NPSR1: variants seen among roughly 807,000 people sequenced by gnomAD.
NPSR1 encodes neuropeptide S receptor 1.
NPSR1 carries 48 observed loss-of-function variants against 46.9 expected under a neutral mutation model. That is an observed-to-expected ratio of 1.02 (90% CI 0.81 to 1.30). The LOEUF (loss-of-function observed/expected upper bound fraction) is 1.30, where lower values mean the gene tolerates loss of function less well. NPSR1 is among the 50% of genes most tolerant of loss of function. NPSR1 has a pLI of 0.00. For missense variants in NPSR1, 450 were observed against 449.5 expected (o/e 1.00, Z -0.01); for synonymous variants, 176 against 168.1 (o/e 1.05, Z -0.36).
At chr7:34,689,159 C>T (rs1025859759) in intron 2 of NPSR1, among the ~76,000 whole-genome samples, 33 of 152,310 alleles carry the variant, frequency 2.2e-4, no homozygotes, top group African/African-American at 7.7e-4. Context: ...GGAGCTCAGA[C>T]CACTGTGCAT....
intron 2 of NPSR1, among the ~76,000 whole-genome samples, chr7:34,713,654 T>C (rs1343360341): frequency 6.6e-6 from 1 of 152,184 alleles, no homozygotes; most frequent in Non-Finnish European, 1.5e-5. Context: ...CACTCTCCTG[T>C]GCAGAAGTCA....
Position 34,727,580 on chromosome 7 carries a change from T to C in NPSR1, c.280+42896T>C, listed in dbSNP as rs534514657. On this transcript the variant is annotated intron_variant, in intron 2 of 8. Transcript: ENST00000360581. ...CACAATATCTTGTTCACTTTTGTCA[T>C]CCGGTGCTGATCATGATTCTCAACA... Among the ~76,000 whole-genome samples, 6 of 152,354 alleles carry C rather than the reference T, an allele frequency of 3.9e-5. No homozygotes were observed. The South Asian group carries it at 1.2e-3, about 32-fold the overall frequency.
At chr7:34,688,912 G>A (rs1793078384) in intron 2 of NPSR1, among the ~76,000 whole-genome samples, 1 of 152,148 alleles carries the variant, frequency 6.6e-6, no homozygotes, top group African/African-American at 2.4e-5. Flanking sequence ...ATATTTCCAG[G>A]CATTTGAAGC....
Position 34,669,995 on chromosome 7 carries a change from A to G in NPSR1, c.147+11436A>G, listed in dbSNP as rs569081130. On this transcript the variant is annotated intron_variant, in intron 1 of 8. Coordinates refer to ENST00000360581, the MANE Select transcript of NPSR1 (RefSeq NM_207172.2). ...AAATATATAGAATACATGGAAGGAC[A>G]TGAGGTGCTTCAAGATAGGATGATT... 3.9e-5 allele frequency among the ~76,000 whole-genome samples: 6 copies of G among 152,362 alleles called. No homozygotes were observed. In the South Asian group the frequency reaches 1.2e-3, roughly 32 times the overall value.
chr7:34,780,156 C>T (rs925444459), intron 3 of NPSR1, among the ~76,000 whole-genome samples: 29 of 152,168 alleles, frequency 1.9e-4, no homozygotes, highest in Admixed American at 2.0e-4. Context: ...AGGTCATACA[C>T]CATCACTTTC....
chr7:34,762,858 G>A (rs939661339), intron 2 of NPSR1, among the ~76,000 whole-genome samples: 14 of 152,146 alleles, frequency 9.2e-5, no homozygotes, highest in African/African-American at 3.4e-4. Context: ...TGTGACAAAT[G>A]TTCATGTACG....
intron 2 of NPSR1, chr7:34,719,104 A>T (rs1442539657): frequency 1.3e-5 from 2 of 152,464 alleles, no homozygotes; most frequent in African/African-American, 4.8e-5. Context: ...TGGGGGATGG[A>T]CTTTTTTCTG....
chr7:34,712,171 T>C (rs1783324517), intron 2 of NPSR1, among the ~76,000 whole-genome samples: 1 of 152,230 alleles, frequency 6.6e-6, no homozygotes, highest in South Asian at 2.1e-4. Context: ...TTGTTTTGTT[T>C]TGTTTTAGTT....
At chr7:34,732,079 CAAAAA>C (rs535991989) in intron 2 of NPSR1, among the ~76,000 whole-genome samples, 10,430 of 93,772 alleles carry the variant, frequency 0.11, 327 homozygotes, top group South Asian at 0.17. Flanking sequence ...GACTTCATCT[CAAAAA>C]AAAAAAAAAA....
At chr7:34,720,019 C>T (rs113392746) in intron 2 of NPSR1, among the ~76,000 whole-genome samples, 3,364 of 151,768 alleles carry the variant, frequency 0.022, 116 homozygotes, top group African/African-American at 0.076. Flanking sequence ...TGGTGGCGCA[C>T]GCCTGTAATC....
chr7:34,663,310 G>A (rs916538063), intron 1 of NPSR1, among the ~76,000 whole-genome samples: 2 of 151,972 alleles, frequency 1.3e-5, no homozygotes, highest in Non-Finnish European at 2.9e-5. Context: ...GGTACAGGGT[G>A]CTTGAATCCC....
chr7:34,834,578 C>A, intron 6 of NPSR1, 118 bp downstream of exon 6: 1 of 762,304 alleles, frequency 1.3e-6, no homozygotes, highest in Non-Finnish European at 2.3e-6. Flanking sequence ...CATATCAGGA[C>A]CCAGCCGGCA....
chr7:34,831,337 AC>A (rs1790109152), intron 5 of NPSR1, among the ~76,000 whole-genome samples: 1 of 151,874 alleles, frequency 6.6e-6, no homozygotes, highest in Non-Finnish European at 1.5e-5. Flanking sequence ...ACACACACAC[AC>A]ACAAACACAC....
At chr7:34,739,815 G>A (rs1784854084) in intron 2 of NPSR1, among the ~76,000 whole-genome samples, 1 of 152,174 alleles carries the variant, frequency 6.6e-6, no homozygotes, top group Admixed American at 6.5e-5. Flanking sequence ...GGTGGCAGGG[G>A]GGTGAAATGG....
intron 1 of NPSR1, among the ~76,000 whole-genome samples, chr7:34,663,105 T>A (rs997138796): frequency 1.4e-5 from 1 of 71,702 alleles, no homozygotes; most frequent in African/African-American, 8.4e-5. Flanking sequence ...CGGGGGGGAG[T>A]GGGGGTAGAG....
Position 34,751,612 on chromosome 7 carries a change from T to C in NPSR1, c.281-26850T>C. The C allele has an allele frequency of 1.9e-6, 3 of 1,602,318 alleles. No homozygotes were observed. The South Asian group carries it at 3.3e-5, about 18-fold the overall frequency. On this transcript the variant is annotated intron_variant, in intron 2 of 8. Transcript: ENST00000360581. ...CCGGAGAACTCGGCGCTGACAGAGC[T>C]CTCCACTCACTGCCTGCTCCAAGTG...
chr7:34,741,256 A>G (rs1784926069), intron 2 of NPSR1, among the ~76,000 whole-genome samples: 1 of 152,128 alleles, frequency 6.6e-6, no homozygotes, highest in South Asian at 2.1e-4. Flanking sequence ...ATTTCTTTAA[A>G]TATTCTTTCT....
chr7:34,705,805 T>G (rs1794077007), intron 2 of NPSR1, among the ~76,000 whole-genome samples: 1 of 152,202 alleles, frequency 6.6e-6, no homozygotes, highest in Admixed American at 6.5e-5. Context: ...CATTGTGACT[T>G]TACTTGAAAT....
chr7:34,669,839 A>G (rs763892665), intron 1 of NPSR1, among the ~76,000 whole-genome samples: 6 of 152,208 alleles, frequency 3.9e-5, no homozygotes, highest in Non-Finnish European at 8.8e-5. Context: ...AAGAACTGCA[A>G]TCTCTAACTA....
Sources: allele counts gnomAD v4.1 joint callset (sites outside exome capture counted in the v4.1 genomes callset), GRCh38; gene constraint gnomAD v4.1.1; transcripts MANE v1.5; gene names NCBI Gene and HGNC (gene_info 2026-07-23, HGNC 2026-07-21).